The following KCNJ12 variants were observed in gnomAD, a reference collection of about 807,000 sequenced individuals.
KCNJ12 encodes the protein potassium inwardly rectifying channel subfamily J member 12, also known as ATP-sensitive inward rectifier potassium channel 12.
A neutral mutation model predicts 22.3 loss-of-function variants in KCNJ12; 2 were observed. The observed-to-expected ratio is 0.09, with a 90% CI of 0.04 to 0.28. The LOEUF is 0.28. Ranked by LOEUF, KCNJ12 falls within the 10% of genes least tolerant of loss-of-function variation. KCNJ12 has a pLI of 1.00. For synonymous variants in KCNJ12, 117 were observed against 261.4 expected, an observed-to-expected ratio of 0.45 and a Z score of 5.33; for missense variants, 155 against 633.3, an observed-to-expected ratio of 0.24 and a Z score of 8.11.
In KCNJ12 at chr17:21,415,685, G is replaced by A; in HGVS notation, c.343G>A (p.Ala115Thr). ...IAVAHGDLEP[A>T]EGRGRTPCVM... ...GGTGGCACACGGTGACCTGGAGCCG[G>A]CTGAGGGCCGGGGCCGCACACCCTG... The change falls in exon 3 of 3, where the codon GCT (alanine) becomes ACT (threonine). Residue 115 changes from alanine to threonine, a missense_variant. Physicochemically the swap from Ala to Thr is moderately conservative, Grantham distance 58. Coordinates refer to ENST00000583088, the MANE Select transcript of KCNJ12 (RefSeq NM_021012.5). The A allele has an allele frequency of 1.9e-6, 3 of 1,613,174 alleles. No homozygotes were observed. Among genetic ancestry groups the A allele is most frequent in the South Asian group, 1.1e-5 (1 of 91,066 alleles).
intron 2 of KCNJ12, among the ~76,000 whole-genome samples, chr17:21,409,602 C>T (rs1224467698): frequency 1.3e-5 from 2 of 152,308 alleles, no homozygotes; most frequent in Non-Finnish European, 1.5e-5. Context: ...GGCCCAGCCA[C>T]CTGCTCCCAT....
chr17:21,410,513 G>T lies in KCNJ12; in HGVS notation c.-57+1873G>T, dbSNP rs1417150564. Among the ~76,000 whole-genome samples the T allele has an allele frequency of 3.3e-4, 51 of 152,416 alleles. No individual in the cohort carries two copies. The East Asian group carries it at 8.5e-3, about 25-fold the overall frequency. On this transcript the variant is annotated intron_variant, in intron 2 of 2. Coordinates refer to ENST00000583088, the MANE Select transcript of KCNJ12 (RefSeq NM_021012.5). ...CCCTGCATTGAGTGATCTCTGAGGGGTCTTCCAACGGTGAGGCTTGATCAT... is the reference window on the plus strand; with the variant it reads ...CCCTGCATTGAGTGATCTCTGAGGGTTCTTCCAACGGTGAGGCTTGATCAT...
At chr17:21,415,239 A>G (rs1172381285) in intron 2 of KCNJ12, 48 bp from the exon 3 acceptor site, 3 of 1,517,710 alleles carry the variant, frequency 2.0e-6, no homozygotes, top group African/African-American at 2.8e-5. Flanking sequence ...GGGGTAGAGG[A>G]GCCCGGAGCC....
Position 21,416,405 on chromosome 17 carries a change from C to G in KCNJ12, c.1063C>G (p.Pro355Ala). 1 of 1,613,766 alleles carries G rather than the reference C, an allele frequency of 6.2e-7. No individual in the cohort carries two copies. The highest frequency in any genetic ancestry group is 1.3e-5 in the African/African-American group (1 of 75,086). The part of the protein sequence containing the change: ...FHKTYEVPST[P>A]RCSAKDLVEN... The stretch of plus-strand genomic sequence containing the variant: ...CAAGACCTATGAGGTGCCCTCTACG[C>G]CCCGCTGCAGTGCGAAGGATCTGGT... The change falls in exon 3 of 3, where the codon CCC (proline) becomes GCC (alanine). Residue 355 changes from proline to alanine, a missense_variant. Coordinates refer to ENST00000583088, the MANE Select transcript of KCNJ12 (RefSeq NM_021012.5).
intron 1 of KCNJ12, among the ~76,000 whole-genome samples, chr17:21,382,609 A>G (rs886927494): frequency 2.0e-5 from 3 of 152,130 alleles, no homozygotes; most frequent in East Asian, 3.8e-4. Context: ...AACTATAGAG[A>G]CTGGCATGCT....
intron 1 of KCNJ12, among the ~76,000 whole-genome samples, chr17:21,399,161 C>A (rs1905489198): frequency 6.6e-6 from 1 of 152,180 alleles, no homozygotes; most frequent in African/African-American, 2.4e-5. Context: ...AAGCTGCCGT[C>A]CCCCATGCCT....
At chr17:21,383,196 T>G (rs976429449) in intron 1 of KCNJ12, among the ~76,000 whole-genome samples, 36 of 152,090 alleles carry the variant, frequency 2.4e-4, no homozygotes, top group African/African-American at 8.2e-4. Context: ...CCCTTGCCCC[T>G]GCCCGCCCCG....
chr17:21,391,592 T>TTCCTCC (rs1555559319), intron 1 of KCNJ12, among the ~76,000 whole-genome samples: 1 of 152,208 alleles, frequency 6.6e-6, no homozygotes, highest in Non-Finnish European at 1.5e-5. Flanking sequence ...CCCAGCCCTC[T>TTCCTCC]TCCTCCTCCT....
chr17:21,379,659 G>A (rs1331934836), intron 1 of KCNJ12, among the ~76,000 whole-genome samples: 2 of 152,184 alleles, frequency 1.3e-5, no homozygotes, highest in Non-Finnish European at 1.5e-5. Context: ...TCAGCCCCAC[G>A]GGATGGCTGT....
intron 1 of KCNJ12, among the ~76,000 whole-genome samples, chr17:21,396,068 T>TGTTATGGTG (rs1374283136): frequency 6.6e-6 from 1 of 151,892 alleles, no homozygotes; most frequent in African/African-American, 2.4e-5. Flanking sequence ...CTGCCAGGCT[T>TGTTATGGTG]GTTATGGTGG....
rs1304435613 is a variant in KCNJ12 at position 21,417,561 on chromosome 17, G to C, written c.*917G>C. 3 of 167,260 alleles carry C rather than the reference G, an allele frequency of 1.8e-5. No homozygotes were observed. Among genetic ancestry groups the C allele is most frequent in the Non-Finnish European group, 4.4e-5 (3 of 68,224 alleles). The allele number at this position is 167,260 out of a possible 1,614,324, so 10.4% of individuals were successfully genotyped here. A position where few individuals can be genotyped will look rare whatever the true frequency, so the allele number is the denominator to read the frequency against. On this transcript the variant is annotated 3_prime_UTR_variant, in exon 3 of 3. Transcript: ENST00000583088. ...CCGCCCAATTCCACAGTGAGGGGTG[G>C]TTAGGAGCTATAGGCCGGGATGGCT...
At chr17:21,411,486 C>T (rs1300211293) in intron 2 of KCNJ12, among the ~76,000 whole-genome samples, 1 of 152,304 alleles carries the variant, frequency 6.6e-6, no homozygotes, top group Non-Finnish European at 1.5e-5. Flanking sequence ...AGGTAGTGTA[C>T]CCCAGCGCCC....
chr17:21,398,838 CAT>C (rs782668821), intron 1 of KCNJ12, among the ~76,000 whole-genome samples: 15 of 152,366 alleles, frequency 9.8e-5, no homozygotes, highest in Non-Finnish European at 1.5e-4. Context: ...TAGCATGTAT[CAT>C]GTGTGTGGTG....
rs1906116324 is a variant in KCNJ12, at chr17:21,408,524, T to G, written c.-173T>G. ...CTTTACTCTTTTAACTTTAGGATGT[T>G]CTAGTGACTGGATCCTTTCCAGTTG... On this transcript the variant is annotated 5_prime_UTR_variant, in exon 2 of 3. Transcript: ENST00000583088. The G allele has an allele frequency of 6.6e-6, 1 of 152,408 alleles. No homozygotes were observed. Among genetic ancestry groups the G allele is most frequent in the Non-Finnish European group, 1.5e-5 (1 of 68,144 alleles). The allele number at this position is 152,408 out of a possible 1,614,324, so 9.4% of individuals were successfully genotyped here. A position where few individuals can be genotyped will look rare whatever the true frequency, so the allele number is the denominator to read the frequency against.
chr17:21,414,596 T>TG (rs1906580571), intron 2 of KCNJ12, among the ~76,000 whole-genome samples: 1 of 152,286 alleles, frequency 6.6e-6, no homozygotes, highest in African/African-American at 2.4e-5. Context: ...CTGCCGCCAT[T>TG]GTGCCCTTAG....
chr17:21,400,616 G>A (rs2142061539), intron 1 of KCNJ12, among the ~76,000 whole-genome samples: 1 of 152,428 alleles, frequency 6.6e-6, no homozygotes, highest in East Asian at 1.9e-4. Context: ...GAGGGGCCAG[G>A]CTGCCCTGTC....
At chr17:21,388,620 A>G (rs1905133402) in intron 1 of KCNJ12, among the ~76,000 whole-genome samples, 1 of 149,232 alleles carries the variant, frequency 6.7e-6, no homozygotes, top group East Asian at 2.1e-4. Context: ...CTCAGGAAGT[A>G]GTGTGACGTC....
rs575044449 is a variant in KCNJ12 at position 21,412,559 on chromosome 17, C to T, written c.-56-2728C>T. Among the ~76,000 whole-genome samples, 8 of 152,292 alleles carry T rather than the reference C, an allele frequency of 5.3e-5. No homozygotes were observed. In the South Asian group the frequency reaches 6.2e-4, roughly 12 times the overall value. ...GCCTCACGCCGGCGTCTGAGTGCCC[C>T]GGCCCTGGCTGCCTCTTTCTGGAGG... On this transcript the variant is annotated intron_variant, in intron 2 of 2. Transcript: ENST00000583088.
chr17:21,407,865 C>T (rs1191421682), intron 1 of KCNJ12, among the ~76,000 whole-genome samples: 47 of 151,932 alleles, frequency 3.1e-4, no homozygotes, highest in Non-Finnish European at 5.3e-4. Flanking sequence ...CACCCTCACA[C>T]CCAACCACTC....
Sources: gnomAD v4.1 joint callset for allele counts (sites outside exome capture counted in the v4.1 genomes callset) on GRCh38, gnomAD v4.1.1 for gene constraint, MANE v1.5 for transcripts, NCBI Gene and HGNC (gene_info 2026-07-23, HGNC 2026-07-21) for gene names.